Variants in MBTD1 observed in about 807,000 individuals in gnomAD.
The protein encoded by MBTD1 is MBT domain-containing protein 1.
Under a neutral mutation model 87.8 loss-of-function variants are expected in MBTD1, and 24 were observed. That is an observed-to-expected ratio of 0.27 (90% CI 0.20 to 0.38). The LOEUF is 0.38. MBTD1 is among the 10% of genes least tolerant of loss of function. The pLI is 1.00. For synonymous variants in MBTD1, 237 were observed against 248.6 expected, an observed-to-expected ratio of 0.95 and a Z score of 0.44; for missense variants, 436 against 760.2, an observed-to-expected ratio of 0.57 and a Z score of 5.02.
At chr17:51,220,261 C>T in intron 4 of MBTD1, 69 bp downstream of exon 4, 1 of 1,431,364 alleles carries the variant, frequency 7.0e-7, no homozygotes, top group South Asian at 1.4e-5. Context: ...GAATCACAGT[C>T]AAATGACAGA....
intron 2 of MBTD1, among the ~76,000 whole-genome samples, chr17:51,230,558 A>G (rs1248485597): frequency 6.6e-6 from 1 of 152,200 alleles, no homozygotes; most frequent in African/African-American, 2.4e-5. Context: ...GCTGAGATTC[A>G]GCAGTGAGGA....
At chr17:51,206,823 CT>C in intron 7 of MBTD1, 64 bp downstream of exon 7, 9 of 1,137,824 alleles carry the variant, frequency 7.9e-6, no homozygotes, top group African/African-American at 3.1e-5. Context: ...TATAAACATG[CT>C]TTTTTTACGA....
chr17:51,196,355 C>A (rs1410480727), intron 12 of MBTD1, among the ~76,000 whole-genome samples: 1 of 151,664 alleles, frequency 6.6e-6, no homozygotes, highest in Non-Finnish European at 1.5e-5. Flanking sequence ...TCCCAAGTAG[C>A]TGGGATTACA....
Position 51,220,431 on chromosome 17 carries a change from G to T in MBTD1, c.187C>A (p.Arg63=). 6.5e-7 allele frequency: 1 copy of T among 1,547,830 alleles called. No individual in the cohort carries two copies. Among genetic ancestry groups the T allele is most frequent in the Non-Finnish European group, 8.7e-7 (1 of 1,144,176 alleles). The change falls in exon 4 of 17, where the codon CGA becomes AGA. Residue 63 remains arginine, a synonymous_variant. Transcript: ENST00000586178. ...TTTGTTTTAGAGTAAAAAGCATCTC[G>T]GACGCCAACCATCCCACACATCTCA... ...TCEMCGMVGV[R]DAFYSKTKRF...
chr17:51,203,243 A>T lies in MBTD1; in HGVS notation c.740-15T>A. ...ATGCTGAATAGCTAAAATAGAAGAAATAATCAGTTATACTTTAGCAAAAAA... is the reference window on the plus strand; with the variant it reads ...ATGCTGAATAGCTAAAATAGAAGAATTAATCAGTTATACTTTAGCAAAAAA... On this transcript the variant is annotated splice_polypyrimidine_tract_variant and intron_variant, in intron 8 of 16. Transcript: ENST00000586178. 2 of 1,317,868 alleles carry T rather than the reference A, an allele frequency of 1.5e-6. No homozygotes were observed. Among genetic ancestry groups the T allele is most frequent in the Non-Finnish European group, 2.1e-6 (2 of 958,686 alleles). The allele number at this position is 1,317,868 out of a possible 1,614,324, so 81.6% of individuals were successfully genotyped here.
At chr17:51,235,836 T>C (rs2053798855) in intron 2 of MBTD1, among the ~76,000 whole-genome samples, 1 of 152,190 alleles carries the variant, frequency 6.6e-6, no homozygotes, top group African/African-American at 2.4e-5. Flanking sequence ...GCAAAGGCTC[T>C]AGAATAGCCA....
intron 2 of MBTD1, among the ~76,000 whole-genome samples, chr17:51,257,998 G>T (rs1240216374): frequency 8.6e-6 from 1 of 115,634 alleles, no homozygotes; most frequent in Non-Finnish European, 1.8e-5. Flanking sequence ...ATTCAGAGAA[G>T]GAGGTGGTGC....
At chr17:51,212,746 T>C (rs1268727100) in intron 6 of MBTD1, among the ~76,000 whole-genome samples, 2 of 151,968 alleles carry the variant, frequency 1.3e-5, no homozygotes, top group African/African-American at 4.8e-5. Context: ...TAATGAAGAG[T>C]GCTTAATTTA....
chr17:51,260,582 A>G (rs777966697), upstream of MBTD1: 72 of 1,611,402 alleles, frequency 4.5e-5, no homozygotes, highest in Middle Eastern at 6.6e-4. Flanking sequence ...CTCAAACCTA[A>G]CGATGCCGCC....
chr17:51,206,719 T>C (rs1369332518), intron 7 of MBTD1, among the ~76,000 whole-genome samples, 169 bp downstream of exon 7: 1 of 152,186 alleles, frequency 6.6e-6, no homozygotes, highest in African/African-American at 2.4e-5. Flanking sequence ...GCCTGCAAAG[T>C]TGAAAATATT....
intron 13 of MBTD1, 79 bp from the exon 14 acceptor site, chr17:51,193,589 C>CA (rs2050915629): frequency 6.2e-6 from 5 of 805,134 alleles, no homozygotes; most frequent in East Asian, 2.6e-5. Context: ...AGTAACAGTA[C>CA]AAAAAATCTT....
At chr17:51,249,590 T>C (rs1184768843) in intron 2 of MBTD1, 3 of 152,208 alleles carry the variant, frequency 2.0e-5, no homozygotes, top group African/African-American at 4.8e-5. Flanking sequence ...GGGTTTCTAT[T>C]TGCCTGGTAC....
intron 2 of MBTD1, among the ~76,000 whole-genome samples, chr17:51,233,060 CAAAA>C (rs11457634): frequency 4.2e-4 from 17 of 40,512 alleles, no homozygotes; most frequent in African/African-American, 1.1e-3. Context: ...CTTCCCTCAC[CAAAA>C]AAAAAAAAAA....
At chr17:51,250,655 C>T (rs1357104747) in intron 2 of MBTD1, 1 of 152,186 alleles carries the variant, frequency 6.6e-6, no homozygotes, top group Non-Finnish European at 1.5e-5. Context: ...TTCTTTGCAT[C>T]TTTACAGTCA....
Position 51,259,974 on chromosome 17 carries a change from C to T in MBTD1, c.-252G>A. ...GACTACAGGGGGCCCCCGGCTGGGC[C>T]CAGACCGGTGGCGGGTGCAGCAGCC... On this transcript the variant is annotated 5_prime_UTR_variant, in exon 1 of 17. Coordinates refer to ENST00000586178, the MANE Select transcript of MBTD1 (RefSeq NM_017643.3). 1.1e-6 allele frequency: 1 copy of T among 918,556 alleles called. No homozygotes were observed. Among genetic ancestry groups the T allele is most frequent in the South Asian group, 5.5e-5 (1 of 18,348 alleles). The allele number at this position is 918,556 out of a possible 1,614,324, so 56.9% of individuals were successfully genotyped here.
intron 2 of MBTD1, among the ~76,000 whole-genome samples, chr17:51,243,851 G>A (rs750735813): frequency 2.6e-5 from 4 of 152,108 alleles, no homozygotes; most frequent in Non-Finnish European, 5.9e-5. Flanking sequence ...AAGAATGCAA[G>A]CAAGCCCCTT....
chr17:51,260,890 C>T (rs370056458), upstream of MBTD1: 28 of 1,598,662 alleles, frequency 1.8e-5, no homozygotes, highest in African/African-American at 2.6e-4. Context: ...TCGAGAACGA[C>T]GAGGACGCGT....
At chr17:51,250,822 G>C (rs1247413472) in intron 2 of MBTD1, 1 of 152,074 alleles carries the variant, frequency 6.6e-6, no homozygotes. Flanking sequence ...GTAGACTTTG[G>C]ATCCATCTCC....
intron 6 of MBTD1, among the ~76,000 whole-genome samples, chr17:51,213,325 C>T (rs1042314372): frequency 1.3e-5 from 2 of 152,190 alleles, no homozygotes; most frequent in Non-Finnish European, 2.9e-5. Context: ...AGCCACTGCT[C>T]TTGGCTAGAG....
Sources: allele counts gnomAD v4.1 joint callset (sites outside exome capture counted in the v4.1 genomes callset), GRCh38; gene constraint gnomAD v4.1.1; transcripts MANE v1.5; gene names NCBI Gene and HGNC (gene_info 2026-07-23, HGNC 2026-07-21).